CUL5: variants seen among roughly 807,000 people sequenced by gnomAD.
CUL5 encodes cullin-5.
Under a neutral mutation model 108.8 loss-of-function variants are expected in CUL5, and 26 were observed. The observed-to-expected ratio is 0.24, with a 90% CI of 0.18 to 0.33. CUL5 has a LOEUF of 0.33. Among genes scored for constraint, CUL5 ranks in the 10% least tolerant of loss-of-function variants. CUL5 has a pLI of 1.00. For synonymous variants in CUL5, 334 were observed against 298.0 expected, an observed-to-expected ratio of 1.12 and a Z score of -1.25; for missense variants, 524 against 909.2, an observed-to-expected ratio of 0.58 and a Z score of 5.45.
At chr11:108,060,307 T>C (rs554231699) in intron 7 of CUL5, among the ~76,000 whole-genome samples, 1 of 152,096 alleles carries the variant, frequency 6.6e-6, no homozygotes, top group African/African-American at 2.4e-5. Flanking sequence ...GCCAGGAAAT[T>C]AATTATTGAA....
intron 1 of CUL5, among the ~76,000 whole-genome samples, chr11:108,017,910 A>T (rs1434967151): frequency 1.3e-5 from 2 of 152,014 alleles, no homozygotes; most frequent in African/African-American, 2.4e-5. Flanking sequence ...ACAGAAAATA[A>T]TTTTTCCCCA....
intron 7 of CUL5, among the ~76,000 whole-genome samples, chr11:108,068,012 T>C (rs138765555): frequency 0.01 from 1,539 of 152,204 alleles, 34 homozygotes; most frequent in African/African-American, 0.035. Context: ...CACTGCAATC[T>C]CTGCCTCCCA....
intron 3 of CUL5, among the ~76,000 whole-genome samples, chr11:108,047,547 T>C (rs1413924798): frequency 1.3e-5 from 2 of 152,218 alleles, no homozygotes; most frequent in African/African-American, 4.8e-5. Context: ...GGCATATATT[T>C]TAATTTTGCT....
At chr11:108,086,530 A>G (rs1033750908) in intron 11 of CUL5, among the ~76,000 whole-genome samples, 2 of 152,216 alleles carry the variant, frequency 1.3e-5, no homozygotes, top group Admixed American at 6.5e-5. Flanking sequence ...CAGGCATTGC[A>G]AGGAGAGATG....
At chr11:108,102,238 C>T (rs930528109) in intron 18 of CUL5, among the ~76,000 whole-genome samples, 4 of 152,034 alleles carry the variant, frequency 2.6e-5, no homozygotes, top group South Asian at 2.1e-4. Context: ...CCATGTTGGC[C>T]GGGCTGATCT....
In CUL5 at chr11:108,098,419, G is replaced by T. The variant is rs138901219; in HGVS notation, c.2038G>T (p.Val680Phe). 1 of 1,604,430 alleles carries T rather than the reference G, an allele frequency of 6.2e-7. No homozygotes were observed. Among genetic ancestry groups the T allele is most frequent in the African/African-American group, 1.3e-5 (1 of 74,460 alleles). Reference sequence around the variant, plus strand: ...TTCTTTTTGTAGAAAAAATGCAAAGGTTCAGAAAAGGGGTAAAATCAACTT... The same window carrying T: ...TTCTTTTTGTAGAAAAAATGCAAAGTTTCAGAAAAGGGGTAAAATCAACTT... ...QEFSLIKNAK[V>F]QKRGKINLIG... is the part of the protein sequence containing the mutation. The change falls in exon 18 of 19, where the codon GTT becomes TTT. Residue 680 changes from valine to phenylalanine, a missense_variant. This residue lies in a region of CUL5 where 66 missense variants were observed against 81.4 expected (regional missense o/e 0.81). Transcript: ENST00000393094.
At chr11:108,047,779 T>A (rs1863102750) in intron 3 of CUL5, among the ~76,000 whole-genome samples, 1 of 152,240 alleles carries the variant, frequency 6.6e-6, no homozygotes, top group Admixed American at 6.5e-5. Flanking sequence ...TCTACTTGCA[T>A]TGGGAAATGT....
Position 108,009,090 on chromosome 11 carries a change from G to C in CUL5, c.-259G>C. On this transcript the variant is annotated 5_prime_UTR_variant, in exon 1 of 19. Coordinates refer to ENST00000393094, the MANE Select transcript of CUL5 (RefSeq NM_003478.6). ...GGCTCCCGTTACCTTCTCAGCATTC[G>C]CCGTTCCGGTCTTCCTGAGCGCGTG... The C allele has an allele frequency of 1.8e-6, 1 of 545,798 alleles. No homozygotes were observed. Among genetic ancestry groups the C allele is most frequent in the Non-Finnish European group, 3.3e-6 (1 of 305,632 alleles). 33.8% of individuals were successfully genotyped at this position (545,798 alleles called of 1,614,324 possible).
chr11:108,021,328 T>C (rs1862322192), intron 1 of CUL5, among the ~76,000 whole-genome samples: 1 of 152,180 alleles, frequency 6.6e-6, no homozygotes, highest in African/African-American at 2.4e-5. Context: ...AGTAAGGTGA[T>C]AAAAAAATTG....
intron 3 of CUL5, among the ~76,000 whole-genome samples, chr11:108,047,505 TG>T (rs1336059532): frequency 1.3e-5 from 2 of 152,212 alleles, no homozygotes; most frequent in Non-Finnish European, 2.9e-5. Context: ...TTTCTATGTA[TG>T]ACTTAAGATA....
intron 2 of CUL5, among the ~76,000 whole-genome samples, chr11:108,038,019 T>C (rs1480370024): frequency 6.6e-6 from 1 of 152,228 alleles, no homozygotes; most frequent in Non-Finnish European, 1.5e-5. Context: ...CTTAAAATAT[T>C]CTAATTTCCG....
chr11:108,087,371 ATCCT>A (rs1364805104), intron 11 of CUL5, among the ~76,000 whole-genome samples: 1 of 152,246 alleles, frequency 6.6e-6, no homozygotes, highest in East Asian at 1.9e-4. Context: ...GGATAGCTCA[ATCCT>A]TGGAAAACAA....
chr11:108,012,629 C>T (rs879420517), intron 1 of CUL5, among the ~76,000 whole-genome samples: 5 of 149,484 alleles, frequency 3.3e-5, no homozygotes, highest in Non-Finnish European at 7.4e-5. Context: ...GAGTTTCGCT[C>T]TTGTTGCCCA....
At chr11:108,058,936 A>G (rs534867939) in intron 7 of CUL5, among the ~76,000 whole-genome samples, 6 of 152,332 alleles carry the variant, frequency 3.9e-5, no homozygotes, top group African/African-American at 1.4e-4. Context: ...GTGCTGCTGA[A>G]CAGGCATGTT....
rs747310876 is a variant in CUL5, at chr11:108,009,383, C to T, written c.24+11C>T. Reference sequence around the variant, plus strand: ...TCTAATCTGTTAAAGGTAAGACCCTCACTCCAGCTTGGGTTTTACTGTGTG... The same window carrying T: ...TCTAATCTGTTAAAGGTAAGACCCTTACTCCAGCTTGGGTTTTACTGTGTG... On this transcript the variant is annotated intron_variant, in intron 1 of 18. Transcript: ENST00000393094. 6 of 1,613,634 alleles carry T rather than the reference C, an allele frequency of 3.7e-6. No homozygotes were observed. Among genetic ancestry groups the T allele is most frequent in the South Asian group, 1.1e-5 (1 of 91,012 alleles).
intron 1 of CUL5, among the ~76,000 whole-genome samples, chr11:108,010,319 T>G (rs906606664): frequency 6.6e-6 from 1 of 152,272 alleles, no homozygotes; most frequent in African/African-American, 2.4e-5. Context: ...AGGCCTCTCA[T>G]GCCTTCAGGC....
chr11:108,028,223 C>T (rs1862497125), intron 1 of CUL5, among the ~76,000 whole-genome samples: 1 of 152,196 alleles, frequency 6.6e-6, no homozygotes, highest in South Asian at 2.1e-4. Context: ...TAAAACCAGT[C>T]TCACAAGCTT....
chr11:108,019,646 A>G (rs1218201640), intron 1 of CUL5, among the ~76,000 whole-genome samples: 1 of 152,170 alleles, frequency 6.6e-6, no homozygotes, highest in Non-Finnish European at 1.5e-5. Context: ...ACATAAAACT[A>G]TTGTGCTGTC....
intron 17 of CUL5, 80 bp downstream of exon 17, chr11:108,097,834 C>G (rs909059242): frequency 1.3e-6 from 1 of 751,766 alleles, no homozygotes; most frequent in African/African-American, 1.8e-5. Context: ...AATTGTTTTC[C>G]TTACATTATA....
Sources: allele counts gnomAD v4.1 joint callset (sites outside exome capture counted in the v4.1 genomes callset), GRCh38; gene constraint gnomAD v4.1.1; regional missense constraint gnomAD v4.1.1; transcripts MANE v1.5; gene names NCBI Gene and HGNC (gene_info 2026-07-23, HGNC 2026-07-21).